The following PADI6 variants were observed in gnomAD, a reference collection of about 807,000 sequenced individuals.
PADI6 encodes the protein peptidyl arginine deiminase 6, also known as inactive protein-arginine deiminase type-6.
In PADI6, 66 loss-of-function variants were observed where a neutral mutation model predicts 78.2. The observed-to-expected ratio is 0.84, with a 90% confidence interval of 0.69 to 1.04. PADI6 has a LOEUF of 1.04. Ranked by LOEUF, PADI6 falls within the 50% of genes least tolerant of loss-of-function variation. PADI6 has a pLI of 0.00. For synonymous variants in PADI6, 397 were observed against 346.9 expected (o/e 1.14, Z -1.60); for missense variants, 854 against 866.1 (o/e 0.99, Z 0.18).
At chr1:17,372,502 T>C in intron 1 of PADI6, 141 bp downstream of exon 1, 1 of 778,816 alleles carries the variant, frequency 1.3e-6, no homozygotes, top group South Asian at 1.6e-5. Context: ...GGGTCTCTAG[T>C]GGGGGGCCTC....
At chr1:17,399,819 C>CT in intron 15 of PADI6, among the ~76,000 whole-genome samples, 1 of 152,048 alleles carries the variant, frequency 6.6e-6, no homozygotes, top group Middle Eastern at 3.4e-3. Context: ...GGGTGGATCA[C>CT]TTGAAGTCTG....
At chr1:17,398,059 TAGA>T (rs2100326913) in intron 14 of PADI6, among the ~76,000 whole-genome samples, 1 of 152,254 alleles carries the variant, frequency 6.6e-6, no homozygotes, top group South Asian at 2.1e-4. Context: ...CCCCAACTTG[TAGA>T]AGGAGAAGCT....
chr1:17,397,539 C>G (rs1185416585), intron 14 of PADI6, among the ~76,000 whole-genome samples: 2 of 152,138 alleles, frequency 1.3e-5, no homozygotes, highest in Non-Finnish European at 2.9e-5. Context: ...AGGGAGTTTA[C>G]TTTGCTATGA....
At chr1:17,397,245 C>A in intron 14 of PADI6, 104 bp downstream of exon 14, 1 of 1,240,666 alleles carries the variant, frequency 8.1e-7, no homozygotes, top group Admixed American at 2.1e-5. Flanking sequence ...TGTTGGGCGG[C>A]GGGGGGCAGC....
rs774990219 is a variant in PADI6, at chr1:17,398,654, GCCCCCCCCCCCA to G, written c.1690-28_1690-17del. On this transcript the variant is annotated intron_variant, in intron 14 of 15. Coordinates refer to ENST00000619609, the MANE Select transcript of PADI6 (RefSeq NM_207421.4). ...CCTGATGAGCTCTCCTTGCTCCCCC[GCCCCCCCCCCCA>G]CCCACCCACCCACCCACAGAAGTGC... 41 of 177,798 alleles carry G rather than the reference GCCCCCCCCCCCA, an allele frequency of 2.3e-4. No individual in the cohort carries two copies. The highest frequency in any genetic ancestry group is 1.3e-3 in the African/African-American group (34 of 25,472). 11.0% of individuals were successfully genotyped at this position (177,798 alleles called of 1,614,324 possible). A position where few individuals can be genotyped will look rare whatever the true frequency, so the allele number is the denominator to read the frequency against.
rs536440457 is a variant in PADI6, at chr1:17,397,138, G to A, written c.1686G>A (p.Val562=). 6 of 1,613,802 alleles carry A rather than the reference G, an allele frequency of 3.7e-6. No homozygotes were observed. In the South Asian group the frequency reaches 5.5e-5, roughly 15 times the overall value. ...GCCTGAAGAAGCAGAATGAATACGT[G>A]GAGGTAGGACCAGTGTGAAGGGGGC... ...DESLKKQNEY[V]EKCIHLNRDI... The change falls in exon 14 of 16, where the codon GTG becomes GTA. Residue 562 remains valine (V), a synonymous_variant. Coordinates refer to ENST00000619609, the MANE Select transcript of PADI6 (RefSeq NM_207421.4).
Position 17,372,236 on chromosome 1 carries a change from A to G in PADI6, c.-10A>G, listed in dbSNP as rs754774202. The stretch of plus-strand genomic sequence containing the variant: ...CTGTGCTGAGTGAGGGCTGCGGTGC[A>G]GGCCTGAGGATGGTCAGCGTGGAGG... On this transcript the variant is annotated 5_prime_UTR_variant, in exon 1 of 16. Transcript: ENST00000619609. 9.9e-6 allele frequency: 16 copies of G among 1,612,660 alleles called. No individual in the cohort carries two copies. The highest frequency in any genetic ancestry group is 1.4e-5 in the Non-Finnish European group (16 of 1,178,694).
rs573831820 is a variant in PADI6 at position 17,384,174 on chromosome 1, A to T, written c.679+2082A>T. Among the ~76,000 whole-genome samples the T allele has an allele frequency of 2.0e-4, 30 of 152,268 alleles. No individual in the cohort carries two copies. In the South Asian group the frequency reaches 5.2e-3, roughly 26 times the overall value. ...AAAAACTTAAAAATCAGGGTAGGGC[A>T]ACACAGCATGTTATGTTTTAACAAG... On this transcript the variant is annotated intron_variant, in intron 6 of 15. Coordinates refer to ENST00000619609, the MANE Select transcript of PADI6 (RefSeq NM_207421.4).
intron 15 of PADI6, among the ~76,000 whole-genome samples, chr1:17,399,114 G>GC (rs1414434138): frequency 1.3e-5 from 2 of 152,060 alleles, no homozygotes; most frequent in African/African-American, 2.4e-5. Context: ...AGTGAGCTGC[G>GC]CCCCCAGTCT....
chr1:17,397,026 T>G (rs765429466), intron 13 of PADI6, 45 bp from the exon 14 acceptor site: 4 of 1,591,062 alleles, frequency 2.5e-6, no homozygotes, highest in Non-Finnish European at 3.4e-6. Flanking sequence ...TGGGCAGTGC[T>G]GCCATTCCCT....
At chr1:17,395,202 T>G (rs1385217952) in intron 12 of PADI6, 95 bp downstream of exon 12, 27 of 567,400 alleles carry the variant, frequency 4.8e-5, no homozygotes, top group Admixed American at 5.7e-5. Flanking sequence ...TTTTCTTGTT[T>G]TTTTTTTTTT....
intron 14 of PADI6, among the ~76,000 whole-genome samples, chr1:17,398,320 G>A (rs528521308): frequency 1.3e-5 from 2 of 152,268 alleles, no homozygotes; most frequent in Admixed American, 1.3e-4. Context: ...TGTGTCTGAA[G>A]CCTATTTCAA....
At chr1:17,401,048 A>G (rs994889766) in intron 15 of PADI6, among the ~76,000 whole-genome samples, 157 bp from the exon 16 acceptor site, 1 of 152,230 alleles carries the variant, frequency 6.6e-6, no homozygotes, top group Non-Finnish European at 1.5e-5. Context: ...AGAAACAGCC[A>G]TTGTAGGGCT....
At chr1:17,388,966 A>G (rs542819618) in intron 8 of PADI6, 86 bp downstream of exon 8, 2 of 1,081,030 alleles carry the variant, frequency 1.9e-6, no homozygotes, top group South Asian at 1.4e-5. Flanking sequence ...GTGGGTGAAG[A>G]TGACTAGGAC....
rs138405606 is a variant in PADI6 at position 17,381,762 on chromosome 1, A to G, written c.554-205A>G. Among the ~76,000 whole-genome samples, 374 of 152,246 alleles carry G rather than the reference A, an allele frequency of 2.5e-3. 6 individuals carry two copies. Among genetic ancestry groups the G allele is most frequent in the African/African-American group, 8.1e-3 (338 of 41,544 alleles). On this transcript the variant is annotated intron_variant, in intron 5 of 15. Transcript: ENST00000619609. ...ATGGGATAAATCCCATCCTCCCTCA[A>G]AAGGAGGCCCTGAGGTTTGCAGCTT...
At chr1:17,382,151 G>C (rs552700086) in intron 6 of PADI6, 59 bp downstream of exon 6, 1 of 1,589,934 alleles carries the variant, frequency 6.3e-7, no homozygotes, top group East Asian at 2.3e-5. Flanking sequence ...GGCAAGTTGT[G>C]CCCACACCTC....
intron 2 of PADI6, among the ~76,000 whole-genome samples, chr1:17,375,150 C>T (rs888355192): frequency 1.3e-5 from 2 of 152,168 alleles, no homozygotes; most frequent in African/African-American, 4.8e-5. Flanking sequence ...CCCTTGATCA[C>T]CCCGCCATCA....
intron 12 of PADI6, 83 bp downstream of exon 12, chr1:17,395,190 C>T: frequency 4.2e-6 from 6 of 1,423,820 alleles, no homozygotes; most frequent in Non-Finnish European, 5.6e-6. Context: ...AGAAAACTGG[C>T]TTTTTCTTGT....
At chr1:17,397,285 T>C in intron 14 of PADI6, 144 bp downstream of exon 14, 1 of 865,784 alleles carries the variant, frequency 1.2e-6, no homozygotes, top group Non-Finnish European at 1.8e-6. Context: ...CAGGTCTTGA[T>C]ACAGGCCCAG....
Sources: allele counts gnomAD v4.1 joint callset (sites outside exome capture counted in the v4.1 genomes callset), GRCh38; gene constraint gnomAD v4.1.1; transcripts MANE v1.5; gene names NCBI Gene and HGNC (gene_info 2026-07-23, HGNC 2026-07-21).